The following LAIR1 variants were observed in gnomAD, a reference collection of about 807,000 sequenced individuals.
LAIR1 encodes leukocyte associated immunoglobulin like receptor 1, also known as leukocyte-associated immunoglobulin-like receptor 1.
A neutral mutation model predicts 32.8 loss-of-function variants in LAIR1; 24 were observed. That is an observed-to-expected ratio of 0.73 (90% CI 0.53 to 1.03). The LOEUF (loss-of-function observed/expected upper bound fraction) is 1.03. Ranked by LOEUF, LAIR1 falls within the 50% of genes least tolerant of loss-of-function variation. LAIR1 has a pLI of 0.00. For missense variants in LAIR1, 355 were observed against 347.5 expected (o/e 1.02, Z -0.17); for synonymous variants, 150 against 140.5 (o/e 1.07, Z -0.48).
Position 54,364,231 on chromosome 19 carries a change from C to A in LAIR1, c.70+64G>T. 4 of 1,528,956 alleles carry A rather than the reference C, an allele frequency of 2.6e-6. No individual in the cohort carries two copies. In the East Asian group the frequency reaches 9.0e-5, roughly 35 times the overall value. The allele number at this position is 1,528,956 out of a possible 1,614,324, so 94.7% of individuals were successfully genotyped here. On this transcript the variant is annotated intron_variant, in intron 2 of 9. Transcript: ENST00000391742. The surrounding 1 kb of genome is among the most constrained non-coding windows in gnomAD (Gnocchi z 4.8). ...GGCCCTCTAAGAATCAACATCACTC[C>A]CACCCAGCACTGCCCTTGGGGTGAC... is the stretch of plus-strand genomic sequence containing the variant.
upstream of LAIR1, among the ~76,000 whole-genome samples, chr19:54,367,554 G>A (rs1178928683): frequency 6.6e-6 from 1 of 151,640 alleles, no homozygotes; most frequent in Admixed American, 6.6e-5. Flanking sequence ...AGACCATCCT[G>A]GCTAACACGG....
At position 54,353,646 on chromosome 19, in the gene LAIR1, T is replaced by C. The variant is rs1001744904; in HGVS notation, c.*1622A>G. ...GTGGAGGGTTTGTAGGAGAATTTAA[T>C]GTGTCCACGTTTGCCTAGAACTAAA... On this transcript the variant is annotated 3_prime_UTR_variant, in exon 10 of 10. Coordinates refer to ENST00000391742, the MANE Select transcript of LAIR1 (RefSeq NM_002287.6). 1 of 152,196 alleles carries C rather than the reference T, an allele frequency of 6.6e-6. No homozygotes were observed. Among genetic ancestry groups the C allele is most frequent in the African/African-American group, 2.4e-5 (1 of 41,454 alleles). The allele number at this position is 152,196 out of a possible 1,614,324, so 9.4% of individuals were successfully genotyped here.
rs1382455303 is a variant in LAIR1, at chr19:54,354,466, T to C, written c.*802A>G. 1 of 152,254 alleles carries C rather than the reference T, an allele frequency of 6.6e-6. No homozygotes were observed. Among genetic ancestry groups the C allele is most frequent in the Non-Finnish European group, 1.5e-5 (1 of 68,048 alleles). 9.4% of individuals were successfully genotyped at this position (152,254 alleles called of 1,614,324 possible). A position where few individuals can be genotyped will look rare whatever the true frequency, so the allele number is the denominator to read the frequency against. The stretch of plus-strand genomic sequence containing the variant: ...GCGATGGGTGCGCTGAGGAATTGAT[T>C]GTGACTGTCATTGCACAATGTACGT... On this transcript the variant is annotated 3_prime_UTR_variant, in exon 10 of 10. Coordinates refer to ENST00000391742, the MANE Select transcript of LAIR1 (RefSeq NM_002287.6).
intron 6 of LAIR1, 24 bp from the exon 7 acceptor site, chr19:54,356,422 T>C (rs1323890484): frequency 1.2e-6 from 2 of 1,606,366 alleles, no homozygotes; most frequent in African/African-American, 1.3e-5. Flanking sequence ...GGGTGTGAAT[T>C]AAGGAGACCT....
Position 54,356,404 on chromosome 19 carries a change from G to A in LAIR1, c.584-6C>T. On this transcript the variant is annotated splice_region_variant and splice_polypyrimidine_tract_variant and intron_variant, in intron 6 of 9. Transcript: ENST00000391742. ...GTCCTTGCTTCTGGGGGGCCCTAAGGACAGTCGGGGTGTGAATTAAGGAGA... is the reference window on the plus strand; with the variant it reads ...GTCCTTGCTTCTGGGGGGCCCTAAGAACAGTCGGGGTGTGAATTAAGGAGA... 6.3e-7 allele frequency: 1 copy of A among 1,598,128 alleles called. No homozygotes were observed. Among genetic ancestry groups the A allele is most frequent in the Non-Finnish European group, 8.5e-7 (1 of 1,172,244 alleles).
upstream of LAIR1, among the ~76,000 whole-genome samples, chr19:54,373,198 T>G (rs1421522727): frequency 2.0e-5 from 3 of 150,454 alleles, no homozygotes; most frequent in African/African-American, 7.4e-5. Context: ...ATCCCAGCAC[T>G]TTGGGAGGCC....
Position 54,355,474 on chromosome 19 carries a change from G to C in LAIR1, c.718-60C>G. On this transcript the variant is annotated intron_variant, in intron 9 of 9. Coordinates refer to ENST00000391742, the MANE Select transcript of LAIR1 (RefSeq NM_002287.6). This position sits in a 1 kb window ranked among gnomAD's most constrained non-coding sequence, Gnocchi z 4.7. ...GGTGGAGGGTGAGACGAGGGGCTGT[G>C]GGGAGGGAGGGCTGTGGCGGCCATC... 6.8e-7 allele frequency: 1 copy of C among 1,470,332 alleles called. No individual in the cohort carries two copies. Among genetic ancestry groups the C allele is most frequent in the Non-Finnish European group, 9.1e-7 (1 of 1,093,694 alleles). The allele number at this position is 1,470,332 out of a possible 1,614,324, so 91.1% of individuals were successfully genotyped here.
intron 6 of LAIR1, 36 bp from the exon 7 acceptor site, chr19:54,356,434 C>G: frequency 6.2e-7 from 1 of 1,609,064 alleles, no homozygotes; most frequent in Non-Finnish European, 8.5e-7. Flanking sequence ...AGGAGACCTT[C>G]TTCCTAGCCT....
upstream of LAIR1, among the ~76,000 whole-genome samples, chr19:54,367,619 G>A (rs1430113508): frequency 3.3e-5 from 5 of 150,904 alleles, no homozygotes; most frequent in South Asian, 2.1e-4. Context: ...GGTGGTGGGC[G>A]CCTGTAGTCC....
chr19:54,357,418 C>A lies in LAIR1; in HGVS notation c.416-452G>T, dbSNP rs115607938. ...TCCCTCCCTGACCTCCTTCTGGGTTCCCACCAGAGGGCAAGAATCCTCATG... is the reference window on the plus strand; with the variant it reads ...TCCCTCCCTGACCTCCTTCTGGGTTACCACCAGAGGGCAAGAATCCTCATG... On this transcript the variant is annotated intron_variant, in intron 4 of 9. Coordinates refer to ENST00000391742, the MANE Select transcript of LAIR1 (RefSeq NM_002287.6). 599 of 157,012 alleles carry A rather than the reference C, an allele frequency of 3.8e-3. 5 individuals are homozygous for A. The highest frequency in any genetic ancestry group is 0.014 in the African/African-American group (570 of 41,726). 9.7% of individuals were successfully genotyped at this position (157,012 alleles called of 1,614,324 possible).
Position 54,364,630 on chromosome 19 carries a change from C to T in LAIR1, c.34+141G>A, listed in dbSNP as rs759367638. 1 of 877,936 alleles carries T rather than the reference C, an allele frequency of 1.1e-6. No homozygotes were observed. Among genetic ancestry groups the T allele is most frequent in the Admixed American group, 1.7e-5 (1 of 57,546 alleles). 54.4% of individuals were successfully genotyped at this position (877,936 alleles called of 1,614,324 possible). A position where few individuals can be genotyped will look rare whatever the true frequency, so the allele number is the denominator to read the frequency against. On this transcript the variant is annotated intron_variant, in intron 1 of 9. Coordinates refer to ENST00000391742, the MANE Select transcript of LAIR1 (RefSeq NM_002287.6). This position sits in a 1 kb window ranked among gnomAD's most constrained non-coding sequence, Gnocchi z 4.8. ...ATCTTCTCTGATCAGACTTAGGCCC[C>T]AGGGAGAGCAGCAGGGCAGTCTTGG...
In LAIR1 at chr19:54,364,625, G is replaced by C; in HGVS notation, c.34+146C>G. The C allele has an allele frequency of 1.2e-6, 1 of 867,248 alleles. No individual in the cohort carries two copies. The highest frequency in any genetic ancestry group is 2.0e-6 in the Non-Finnish European group (1 of 502,682). 53.7% of individuals were successfully genotyped at this position (867,248 alleles called of 1,614,324 possible). A position where few individuals can be genotyped will look rare whatever the true frequency, so the allele number is the denominator to read the frequency against. On this transcript the variant is annotated intron_variant, in intron 1 of 9. Transcript: ENST00000391742. The surrounding 1 kb of genome is among the most constrained non-coding windows in gnomAD (Gnocchi z 4.8). ...ACAAGATCTTCTCTGATCAGACTTA[G>C]GCCCCAGGGAGAGCAGCAGGGCAGT...
Position 54,361,202 on chromosome 19 carries a change from C to G in LAIR1, c.78G>C (p.Leu26=). ...GCTCAGCCGAGATGGAGGGTCTGGGCAGATCTTCTAGGAGGGAAGCAGAGC... is the reference window on the plus strand; with the variant it reads ...GCTCAGCCGAGATGGAGGGTCTGGGGAGATCTTCTAGGAGGGAAGCAGAGC... ...AQTIHTQEED[L]PRPSISAEPG... Residue 26 remains leucine, a synonymous_variant, in exon 3 of 10, where the codon CTG becomes CTC. Coordinates refer to ENST00000391742, the MANE Select transcript of LAIR1 (RefSeq NM_002287.6). 1 of 1,614,076 alleles carries G rather than the reference C, an allele frequency of 6.2e-7. No individual in the cohort carries two copies. The highest frequency in any genetic ancestry group is 1.3e-5 in the African/African-American group (1 of 75,042).
chr19:54,368,907 G>A (rs560042339), upstream of LAIR1, among the ~76,000 whole-genome samples: 3 of 150,894 alleles, frequency 2.0e-5, no homozygotes, highest in African/African-American at 4.9e-5. Flanking sequence ...AGCTGGTCTC[G>A]AACTCCCGAC....
chr19:54,360,489 G>C (rs1295920734), intron 3 of LAIR1, among the ~76,000 whole-genome samples: 1 of 152,094 alleles, frequency 6.6e-6, no homozygotes, highest in Non-Finnish European at 1.5e-5. Flanking sequence ...GTTCTGCCCA[G>C]TGGGAGATGA....
chr19:54,370,941 C>T (rs1353068928), upstream of LAIR1, among the ~76,000 whole-genome samples: 6 of 150,322 alleles, frequency 4.0e-5, no homozygotes, highest in Middle Eastern at 3.2e-3. Context: ...AAATGCTACA[C>T]GTCGGGGTTG....
At position 54,361,157 on chromosome 19, in the gene LAIR1, C is replaced by G; in HGVS notation, c.123G>C (p.Leu41=). ...GGCACACGAAAGTCACATGGCTCCC[C>G]AGGGGGATCACGGTGCCTGGCTCAG... The part of the protein sequence containing the change: ...ISAEPGTVIP[L]GSHVTFVCRG... Residue 41 remains leucine (L), a synonymous_variant, in exon 3 of 10, where the codon CTG becomes CTC. Transcript: ENST00000391742. The G allele has an allele frequency of 6.2e-7, 1 of 1,614,210 alleles. No individual in the cohort carries two copies. Among genetic ancestry groups the G allele is most frequent in the Non-Finnish European group, 8.5e-7 (1 of 1,180,030 alleles).
In LAIR1 at chr19:54,356,257, C is replaced by T. The variant is rs2081698635; in HGVS notation, c.637G>A (p.Ala213Thr). The T allele has an allele frequency of 6.2e-7, 1 of 1,613,450 alleles. No homozygotes were observed. Among genetic ancestry groups the T allele is most frequent in the Non-Finnish European group, 8.5e-7 (1 of 1,179,842 alleles). ...GCTGTCCTCTCTAGAACATCAACAG[C>T]CAGGTCAGGCCTAAGAGGAAAAATA... ...EQKPQQRPDL[A>T]VDVLERTADK... The change falls in exon 8 of 10, where the codon GCT becomes ACT. Residue 213 changes from alanine (A) to threonine (T), a missense_variant. Transcript: ENST00000391742.
intron 3 of LAIR1, 25 bp downstream of exon 3, chr19:54,360,891 G>A (rs771231473): frequency 9.4e-6 from 15 of 1,599,032 alleles, no homozygotes; most frequent in Non-Finnish European, 1.3e-5. Flanking sequence ...CTGAGACTGG[G>A]GCAGGGCCCA....
Sources: allele counts gnomAD v4.1 joint callset (sites outside exome capture counted in the v4.1 genomes callset), GRCh38; gene constraint gnomAD v4.1.1; non-coding constraint Gnocchi (gnomAD v3.1); transcripts MANE v1.5; gene names NCBI Gene and HGNC (gene_info 2026-07-23, HGNC 2026-07-21).